PATJ: variants seen among roughly 807,000 people sequenced by gnomAD.
The protein encoded by PATJ is inaD-like protein.
Under a neutral mutation model 224.9 loss-of-function variants are expected in PATJ, and 190 were observed. The observed-to-expected ratio is 0.84, with a 90% CI of 0.75 to 0.95. The LOEUF (loss-of-function observed/expected upper bound fraction) is 0.95, where lower values mean the gene tolerates loss of function less well. Ranked by LOEUF, PATJ falls within the 40% of genes least tolerant of loss-of-function variation. PATJ has a pLI of 0.00. For synonymous variants in PATJ, 769 were observed against 820.3 expected (o/e 0.94, Z 1.07); for missense variants, 2,121 against 2,270.3 (o/e 0.93, Z 1.34).
intron 32 of PATJ, among the ~76,000 whole-genome samples, chr1:62,084,209 G>A (rs1483010687): frequency 7.2e-5 from 11 of 152,118 alleles, no homozygotes; most frequent in African/African-American, 2.2e-4. Flanking sequence ...AGCTGAGATC[G>A]TACCATTGCA....
At chr1:61,748,211 G>A (rs1645124035) in intron 1 of PATJ, among the ~76,000 whole-genome samples, 2 of 139,048 alleles carry the variant, frequency 1.4e-5, no homozygotes, top group African/African-American at 2.7e-5. Flanking sequence ...GTTTACCAAA[G>A]CACTTACACT....
At chr1:61,936,657 C>T (rs1676933269) in intron 27 of PATJ, among the ~76,000 whole-genome samples, 1 of 151,802 alleles carries the variant, frequency 6.6e-6, no homozygotes, top group Non-Finnish European at 1.5e-5. Flanking sequence ...CTGTAACCTC[C>T]GCCTCCAGGG....
chr1:61,955,726 T>C (rs1680349922), intron 27 of PATJ, among the ~76,000 whole-genome samples: 1 of 152,202 alleles, frequency 6.6e-6, no homozygotes, highest in South Asian at 2.1e-4. Context: ...TCAACACATA[T>C]AATGTTATGA....
At chr1:62,159,085 T>A (rs1474480926) in intron 43 of PATJ, among the ~76,000 whole-genome samples, 1 of 152,258 alleles carries the variant, frequency 6.6e-6, no homozygotes, top group African/African-American at 2.4e-5. Flanking sequence ...TTTAATAAAA[T>A]CAACTTTGCC....
chr1:62,099,823 CTTAG>C (rs936514235), intron 33 of PATJ, among the ~76,000 whole-genome samples: 3 of 152,136 alleles, frequency 2.0e-5, no homozygotes, highest in African/African-American at 7.2e-5. Flanking sequence ...ACAGGAGACC[CTTAG>C]TTAATTTTTC....
intron 31 of PATJ, among the ~76,000 whole-genome samples, chr1:62,070,283 A>G (rs1657169284): frequency 6.6e-6 from 1 of 152,194 alleles, no homozygotes; most frequent in Admixed American, 6.5e-5. Flanking sequence ...CATGAGCCTT[A>G]TTGACCTTTT....
Position 61,801,633 on chromosome 1 carries a change from AG to A in PATJ, c.1414del (p.Glu472AsnfsTer3). The part of the protein sequence containing the change: ...EPPSDRGTVV[E>X]PLKPPALFLT... ...TTTTTTTTGTTTTAGGAACTGTTGT[AG>A]AACCACTGAAACCACCAGCTCTCTT... On this transcript the variant is annotated frameshift_variant, in exon 12 of 44. Coordinates refer to ENST00000642238, the MANE Select transcript of PATJ (RefSeq NM_001350145.3). LOFTEE classifies it high-confidence loss of function. The A allele has an allele frequency of 1.3e-6, 2 of 1,576,378 alleles. No homozygotes were observed. The highest frequency in any genetic ancestry group is 2.4e-5 in the South Asian group (2 of 84,594).
At chr1:61,871,495 A>ATATACATATATATGCG (rs1557793498) in intron 20 of PATJ, among the ~76,000 whole-genome samples, 1 of 46,266 alleles carries the variant, frequency 2.2e-5, no homozygotes, top group African/African-American at 6.3e-5. Flanking sequence ...GTATATATGT[A>ATATACATATATATGCG]TATATACATA....
intron 21 of PATJ, among the ~76,000 whole-genome samples, chr1:61,877,993 G>C (rs931504871): frequency 1.3e-5 from 2 of 152,230 alleles, no homozygotes; most frequent in African/African-American, 4.8e-5. Flanking sequence ...GGTTAGAAAT[G>C]TGTGCCTGTG....
Position 61,914,614 on chromosome 1 carries a change from A to G in PATJ, c.3520A>G (p.Asn1174Asp), listed in dbSNP as rs1448042051. The change falls in exon 26 of 44, where the codon AAC (asparagine) becomes GAC (aspartate). Residue 1174 changes from asparagine (N) to aspartate (D), a missense_variant. Physicochemically the swap from Asn to Asp is conservative, Grantham distance 23. Coordinates refer to ENST00000642238, the MANE Select transcript of PATJ (RefSeq NM_001350145.3). ...CATTCCTAACGTACATAACAAGGCC[A>G]ACAAAATCACCGGTAACCAGAACCA... Reference protein sequence around the residue: ...RVIPNVHNKANKITGNQNQDT... With the variant: ...RVIPNVHNKADKITGNQNQDT... The G allele has an allele frequency of 2.5e-6, 4 of 1,580,766 alleles. No homozygotes were observed. The highest frequency in any genetic ancestry group is 1.7e-5 in the Admixed American group (1 of 59,576).
intron 1 of PATJ, among the ~76,000 whole-genome samples, chr1:61,751,127 G>A (rs1221315565): frequency 6.6e-6 from 1 of 151,136 alleles, no homozygotes; most frequent in African/African-American, 2.4e-5. Flanking sequence ...TCAGCCTCCC[G>A]AATAGCTGGG....
chr1:62,090,127 A>G (rs1013761639), intron 33 of PATJ, among the ~76,000 whole-genome samples: 1 of 152,174 alleles, frequency 6.6e-6, no homozygotes, highest in Non-Finnish European at 1.5e-5. Flanking sequence ...GATCTCACTT[A>G]GCATCCCATT....
chr1:61,889,841 G>A (rs984149934), intron 22 of PATJ, among the ~76,000 whole-genome samples: 2 of 152,220 alleles, frequency 1.3e-5, no homozygotes, highest in African/African-American at 2.4e-5. Flanking sequence ...ACAGCTAACT[G>A]ATACCAAGGA....
At chr1:62,117,470 A>G (rs1190561983) in intron 37 of PATJ, 7 of 1,265,130 alleles carry the variant, frequency 5.5e-6, no homozygotes, top group Non-Finnish European at 6.1e-6. Flanking sequence ...TTAGTTCTAT[A>G]TTGCCTATGC....
intron 33 of PATJ, among the ~76,000 whole-genome samples, chr1:62,089,051 A>T (rs889383409): frequency 6.6e-6 from 1 of 152,048 alleles, no homozygotes; most frequent in African/African-American, 2.4e-5. Context: ...TTAACCTTTG[A>T]TTACTTTTGT....
rs115183478 is a variant in PATJ, at chr1:61,807,300, C to T, written c.1627-1174C>T. ...TCAAGTGATCTCCCACCTCAGCCTC[C>T]TGACTGGCTGGAACTACAAGCATGA... On this transcript the variant is annotated intron_variant, in intron 13 of 43. Transcript: ENST00000642238. Among the ~76,000 whole-genome samples the T allele has an allele frequency of 6.8e-3, 1,033 of 152,260 alleles. 12 individuals carry two copies. Among genetic ancestry groups the T allele is most frequent in the African/African-American group, 0.024 (993 of 41,552 alleles).
chr1:62,076,953 C>T (rs1658404836), intron 31 of PATJ, among the ~76,000 whole-genome samples: 1 of 152,062 alleles, frequency 6.6e-6, no homozygotes. Flanking sequence ...TGTGTGTGGT[C>T]AGTTGGGGAA....
chr1:61,914,613 C>A lies in PATJ; in HGVS notation c.3519C>A (p.Ala1173=). 6.3e-7 allele frequency: 1 copy of A among 1,579,798 alleles called. No individual in the cohort carries two copies. Among genetic ancestry groups the A allele is most frequent in the Non-Finnish European group, 8.7e-7 (1 of 1,149,760 alleles). The change falls in exon 26 of 44, where the codon GCC becomes GCA. Residue 1173 remains alanine, a synonymous_variant. Transcript: ENST00000642238. Reference sequence around the variant, plus strand: ...TCATTCCTAACGTACATAACAAGGCCAACAAAATCACCGGTAACCAGAACC... The same window carrying A: ...TCATTCCTAACGTACATAACAAGGCAAACAAAATCACCGGTAACCAGAACC... ...PRVIPNVHNK[A]NKITGNQNQD...
intron 1 of PATJ, among the ~76,000 whole-genome samples, chr1:61,745,284 A>C (rs2148128640): frequency 6.6e-6 from 1 of 152,050 alleles, no homozygotes. Context: ...TTATTTATTT[A>C]TTTATTTTGA....
Sources: gnomAD v4.1 joint callset for allele counts (sites outside exome capture counted in the v4.1 genomes callset) on GRCh38, gnomAD v4.1.1 for gene constraint, MANE v1.5 for transcripts, NCBI Gene and HGNC (gene_info 2026-07-23, HGNC 2026-07-21) for gene names.